The following ROBO2 variants were observed in gnomAD, a reference collection of about 807,000 sequenced individuals.
ROBO2 encodes roundabout guidance receptor 2.
Under a neutral mutation model 160.8 loss-of-function variants are expected in ROBO2, and 53 were observed. The observed-to-expected ratio is 0.33, with a 90% CI of 0.26 to 0.41. The LOEUF is 0.41. Ranked by LOEUF, ROBO2 falls within the 10% of genes least tolerant of loss-of-function variation. The probability of loss-of-function intolerance (pLI) is 1.00; values close to 1 mark genes in which losing one functional copy is unlikely to be tolerated. For missense variants in ROBO2, 1,577 were observed against 1,722.4 expected, an observed-to-expected ratio of 0.92 and a Z score of 1.49; for synonymous variants, 664 against 611.7, an observed-to-expected ratio of 1.09 and a Z score of -1.26.
In ROBO2 at chr3:76,739,193, C is replaced by T. The variant is rs367611927; in HGVS notation, c.110-358821C>T. Among the ~76,000 whole-genome samples, 999 of 152,090 alleles carry T rather than the reference C, an allele frequency of 6.6e-3. 6 individuals carry two copies. The highest frequency in any genetic ancestry group is 0.024 in the Middle Eastern group (7 of 294). The stretch of plus-strand genomic sequence containing the variant: ...GACACACGCACACATATGTTTATTG[C>T]GGCACTATTCACGATAGCAAAGACT... On this transcript the variant is annotated intron_variant, in intron 2 of 26. Transcript: ENST00000487694.
At chr3:77,598,477 T>C (rs1402510435) in intron 19 of ROBO2, among the ~76,000 whole-genome samples, 1 of 141,496 alleles carries the variant, frequency 7.1e-6, no homozygotes, top group Non-Finnish European at 1.5e-5. Flanking sequence ...TATATTTATT[T>C]ATATAGTGTG....
chr3:76,673,772 T>A (rs758915952), intron 2 of ROBO2, among the ~76,000 whole-genome samples: 6 of 152,088 alleles, frequency 3.9e-5, no homozygotes, highest in Non-Finnish European at 2.9e-5. Context: ...GATTTGTTAG[T>A]GCAAGTCAAG....
chr3:77,577,166 G>A (rs1198112899), intron 14 of ROBO2, among the ~76,000 whole-genome samples: 1 of 152,044 alleles, frequency 6.6e-6, no homozygotes, highest in Non-Finnish European at 1.5e-5. Flanking sequence ...CGAGATAAGA[G>A]TTGTTTCTAC....
intron 2 of ROBO2, among the ~76,000 whole-genome samples, chr3:76,913,541 A>T (rs980576971): frequency 6.6e-6 from 1 of 152,234 alleles, no homozygotes; most frequent in Non-Finnish European, 1.5e-5. Flanking sequence ...GTGATTCTAC[A>T]TCTAAGAGTA....
chr3:76,679,628 G>C (rs1436662079), intron 2 of ROBO2, among the ~76,000 whole-genome samples: 1 of 152,042 alleles, frequency 6.6e-6, no homozygotes, highest in African/African-American at 2.4e-5. Flanking sequence ...CCTGCTATTT[G>C]GATACTTTAT....
chr3:76,922,004 A>G (rs1389577619), intron 2 of ROBO2, among the ~76,000 whole-genome samples: 1 of 152,138 alleles, frequency 6.6e-6, no homozygotes, highest in East Asian at 1.9e-4. Context: ...AAAAATACAA[A>G]TAGAATTGAG....
chr3:77,603,342 A>G (rs2094467292), intron 20 of ROBO2, among the ~76,000 whole-genome samples: 1 of 152,204 alleles, frequency 6.6e-6, no homozygotes, highest in Non-Finnish European at 1.5e-5. Flanking sequence ...GAATTTTATA[A>G]TAAAAAGATC....
At chr3:77,115,097 A>G (rs76877927) in intron 2 of ROBO2, among the ~76,000 whole-genome samples, 2,915 of 152,236 alleles carry the variant, frequency 0.019, 96 homozygotes, top group African/African-American at 0.065. Flanking sequence ...GAAAAGTTTT[A>G]AAAAATTACC....
intron 2 of ROBO2, among the ~76,000 whole-genome samples, chr3:77,277,122 T>G (rs1185028618): frequency 6.6e-6 from 1 of 151,522 alleles, no homozygotes; most frequent in Non-Finnish European, 1.5e-5. Flanking sequence ...AAATGCACCC[T>G]TCCTTCCTTC....
chr3:76,814,818 A>G (rs985996438), intron 2 of ROBO2, among the ~76,000 whole-genome samples: 75 of 152,188 alleles, frequency 4.9e-4, no homozygotes, highest in Non-Finnish European at 9.7e-4. Context: ...ATGTAAGAAT[A>G]ATTTCTGGAA....
At chr3:76,937,308 A>G (rs540609503) in intron 2 of ROBO2, among the ~76,000 whole-genome samples, 2 of 151,896 alleles carry the variant, frequency 1.3e-5, no homozygotes, top group East Asian at 1.9e-4. Flanking sequence ...ATGTTATGAG[A>G]AAAGCTTTGC....
exon 4 of ROBO2, chr3:77,481,206 G>A (rs1028294052): frequency 6.4e-7 from 1 of 1,559,332 alleles, no homozygotes; most frequent in African/African-American, 1.4e-5. Context: ...ACCCAGCAGA[G>A]CTGACTGTCT....
At chr3:77,348,696 G>C (rs2067956219) in intron 2 of ROBO2, among the ~76,000 whole-genome samples, 1 of 152,114 alleles carries the variant, frequency 6.6e-6, no homozygotes, top group Non-Finnish European at 1.5e-5. Flanking sequence ...ACTGCCTAAA[G>C]TCAAGCAAGC....
At chr3:77,261,928 T>G (rs894818901) in intron 2 of ROBO2, among the ~76,000 whole-genome samples, 3 of 152,092 alleles carry the variant, frequency 2.0e-5, no homozygotes, top group Non-Finnish European at 4.4e-5. Flanking sequence ...CCACCATACC[T>G]GGCTTGATTT....
chr3:77,496,338 G>C (rs2086776960), intron 5 of ROBO2, among the ~76,000 whole-genome samples: 1 of 152,112 alleles, frequency 6.6e-6, no homozygotes, highest in South Asian at 2.1e-4. Flanking sequence ...ACTTTTTCTT[G>C]AATTCCCAGT....
intron 2 of ROBO2, among the ~76,000 whole-genome samples, chr3:77,220,303 C>A (rs1445282777): frequency 6.6e-6 from 1 of 152,088 alleles, no homozygotes; most frequent in Non-Finnish European, 1.5e-5. Context: ...AGCCACTGCG[C>A]CTGGCCGAGA....
intron 2 of ROBO2, among the ~76,000 whole-genome samples, chr3:76,600,799 C>T (rs964286961): frequency 7.9e-5 from 12 of 152,112 alleles, no homozygotes; most frequent in African/African-American, 2.9e-4. Context: ...TTTCAAAACC[C>T]ATCATGCCTT....
intron 2 of ROBO2, among the ~76,000 whole-genome samples, chr3:76,024,605 T>TA (rs1354857823): frequency 1.3e-5 from 2 of 151,628 alleles, no homozygotes; most frequent in Non-Finnish European, 3.0e-5. Flanking sequence ...GTATTCGATA[T>TA]AAAAAACACA....
chr3:76,606,261 G>T (rs1180518087), intron 2 of ROBO2, among the ~76,000 whole-genome samples: 1 of 150,426 alleles, frequency 6.6e-6, no homozygotes, highest in African/African-American at 2.4e-5. Context: ...AGTGTAGATT[G>T]TAGATTGGTT....
Sources: gnomAD v4.1 joint callset for allele counts (sites outside exome capture counted in the v4.1 genomes callset) on GRCh38, gnomAD v4.1.1 for gene constraint, MANE v1.5 for transcripts, NCBI Gene and HGNC (gene_info 2026-07-23, HGNC 2026-07-21) for gene names.